The following TRIM55 variants were observed in gnomAD, a reference collection of about 807,000 sequenced individuals.
The protein encoded by TRIM55 is tripartite motif containing 55.
In TRIM55, 50 loss-of-function variants were observed where a neutral mutation model predicts 60.9. That is an observed-to-expected ratio of 0.82 (90% CI 0.65 to 1.04). The LOEUF (loss-of-function observed/expected upper bound fraction) is 1.04. Ranked by LOEUF, TRIM55 falls within the 50% of genes least tolerant of loss-of-function variation. The probability of loss-of-function intolerance (pLI) is 0.00; values close to 1 mark genes in which losing one functional copy is unlikely to be tolerated. For synonymous variants in TRIM55, 237 were observed against 238.1 expected (o/e 1.00, Z 0.04); for missense variants, 681 against 666.9 (o/e 1.02, Z -0.23).
At chr8:66,170,873 A>G (rs1405052552) in intron 9 of TRIM55, among the ~76,000 whole-genome samples, 2 of 152,250 alleles carry the variant, frequency 1.3e-5, no homozygotes, top group Non-Finnish European at 2.9e-5. Flanking sequence ...ATTATTCACA[A>G]TAGCCAAGAG....
intron 9 of TRIM55, among the ~76,000 whole-genome samples, chr8:66,171,189 G>GT (rs1196991552): frequency 6.6e-6 from 1 of 152,160 alleles, no homozygotes; most frequent in Non-Finnish European, 1.5e-5. Flanking sequence ...CACCCAGGTA[G>GT]TAAGCCTAGC....
intron 3 of TRIM55, 152 bp downstream of exon 3, chr8:66,135,307 G>T: frequency 1.3e-6 from 1 of 777,458 alleles, no homozygotes. Context: ...AGGTCTGCAG[G>T]AAGACATGTG....
rs1366612538 is a variant in TRIM55 at position 66,155,629 on chromosome 8, G to A, written c.1524+1295G>A. On this transcript the variant is annotated intron_variant, in intron 9 of 9. Transcript: ENST00000315962. The stretch of plus-strand genomic sequence containing the variant: ...TCTTCTTGTTTTCTCACAGGAGTTA[G>A]TAATCTGCCTAGCGCTTTTGGCTTT... The A allele has an allele frequency of 6.2e-6, 10 of 1,604,294 alleles. No individual in the cohort carries two copies. The South Asian group carries it at 1.0e-4, about 16-fold the overall frequency.
intron 9 of TRIM55, among the ~76,000 whole-genome samples, chr8:66,154,754 C>A (rs1465204674): frequency 2.0e-5 from 3 of 152,210 alleles, no homozygotes; most frequent in African/African-American, 7.2e-5. Context: ...TCATTCCCAG[C>A]AACCCCCAAG....
At chr8:66,138,766 G>T (rs1044986877) in intron 4 of TRIM55, among the ~76,000 whole-genome samples, 1 of 152,180 alleles carries the variant, frequency 6.6e-6, no homozygotes, top group Admixed American at 6.5e-5. Context: ...TAAAAATGGG[G>T]CAATCATGGT....
chr8:66,118,913 G>A, the TRIM55 span, among the ~76,000 whole-genome samples: 2 of 152,168 alleles, frequency 1.3e-5, no homozygotes, highest in Non-Finnish European at 2.9e-5. Flanking sequence ...ATGGACAGGT[G>A]GATGCATGCA....
rs369772129 is a variant in TRIM55, at chr8:66,127,226, C to G, written c.-43C>G. 5.7e-6 allele frequency: 9 copies of G among 1,586,968 alleles called. No homozygotes were observed. Among genetic ancestry groups the G allele is most frequent in the African/African-American group, 5.4e-5 (4 of 74,288 alleles). Reference sequence around the variant, plus strand: ...CCAGGAAACACTTGCTGGAGCCACTCGCAGCACCCTTCCCTGGCAGCACAC... The same window carrying G: ...CCAGGAAACACTTGCTGGAGCCACTGGCAGCACCCTTCCCTGGCAGCACAC... On this transcript the variant is annotated 5_prime_UTR_variant, in exon 1 of 10. Coordinates refer to ENST00000315962, the MANE Select transcript of TRIM55 (RefSeq NM_184085.2).
At chr8:66,140,505 G>T (rs1809745012) in intron 4 of TRIM55, among the ~76,000 whole-genome samples, 1 of 152,256 alleles carries the variant, frequency 6.6e-6, no homozygotes, top group South Asian at 2.1e-4. Flanking sequence ...CCGACTTTAT[G>T]AATCCCTCTT....
chr8:66,133,902 T>TAC (rs1563365634), intron 2 of TRIM55, among the ~76,000 whole-genome samples: 1 of 152,092 alleles, frequency 6.6e-6, no homozygotes, highest in African/African-American at 2.4e-5. Flanking sequence ...CGGATATATA[T>TAC]ACACACACAT....
At chr8:66,170,810 A>C (rs539890582) in intron 9 of TRIM55, among the ~76,000 whole-genome samples, 1 of 152,362 alleles carries the variant, frequency 6.6e-6, no homozygotes, top group African/African-American at 2.4e-5. Flanking sequence ...TATACTCAAA[A>C]GAATTGAAAG....
chr8:66,121,483 G>A, the TRIM55 span, among the ~76,000 whole-genome samples: 4 of 152,194 alleles, frequency 2.6e-5, no homozygotes, highest in Non-Finnish European at 5.9e-5. Flanking sequence ...TTGACCTAAA[G>A]CTACCTTCAT....
At chr8:66,139,203 G>C (rs980849351) in intron 4 of TRIM55, among the ~76,000 whole-genome samples, 1 of 152,204 alleles carries the variant, frequency 6.6e-6, no homozygotes, top group African/African-American at 2.4e-5. Context: ...GTACCAAGCT[G>C]AGTCTTGAGT....
chr8:66,141,924 G>A (rs11986216), intron 4 of TRIM55, among the ~76,000 whole-genome samples: 34,812 of 152,150 alleles, frequency 0.23, 7,953 homozygotes, highest in African/African-American at 0.59. Flanking sequence ...TATAATTAGA[G>A]TTGTTTAAAT....
rs1353532011 is a variant in TRIM55, at chr8:66,135,024, G to C, written c.376G>C (p.Glu126Gln). 6.2e-7 allele frequency: 1 copy of C among 1,614,076 alleles called. No homozygotes were observed. The highest frequency in any genetic ancestry group is 8.5e-7 in the Non-Finnish European group (1 of 1,180,042). ...EKKSDQPMCE[E>Q]HEEERINIYC... is the part of the protein sequence containing the mutation. ...GAAATCCGACCAGCCCATGTGCGAG[G>C]AACATGAAGAGGAGCGCATCAACAT... is the stretch of plus-strand genomic sequence containing the variant. Residue 126 changes from glutamate (E) to glutamine (Q), a missense_variant, in exon 3 of 10, where the codon GAA becomes CAA. Coordinates refer to ENST00000315962, the MANE Select transcript of TRIM55 (RefSeq NM_184085.2).
At chr8:66,167,166 C>T (rs1030564595) in intron 9 of TRIM55, among the ~76,000 whole-genome samples, 10 of 152,196 alleles carry the variant, frequency 6.6e-5, no homozygotes, top group Non-Finnish European at 7.3e-5. Context: ...CTATGAACAA[C>T]TCTTGGCACT....
intron 4 of TRIM55, among the ~76,000 whole-genome samples, chr8:66,141,557 T>C (rs1250583749): frequency 6.6e-6 from 1 of 152,240 alleles, no homozygotes; most frequent in East Asian, 1.9e-4. Context: ...TGACTTTCAC[T>C]TCTCATCCCT....
intron 9 of TRIM55, among the ~76,000 whole-genome samples, chr8:66,173,043 AG>A (rs1811733255): frequency 6.6e-6 from 1 of 152,146 alleles, no homozygotes; most frequent in Non-Finnish European, 1.5e-5. Flanking sequence ...GTGTAAAAAT[AG>A]GTGCAGGATT....
In TRIM55 at chr8:66,150,342, A is replaced by G; in HGVS notation, c.861A>G (p.Lys287=). The part of the protein sequence containing the change: ...FLQNAKTLLK[K]ISEASKAFQM... ...AAGTGGCAACTTGTCTTTGTTGCAG[A>G]ATCTCGGAAGCATCAAAGGCATTTC... The change falls in exon 7 of 10, where the codon AAA becomes AAG. Residue 287 remains lysine, a splice_region_variant and synonymous_variant. Transcript: ENST00000315962. The G allele has an allele frequency of 1.2e-6, 2 of 1,614,236 alleles. No homozygotes were observed. Among genetic ancestry groups the G allele is most frequent in the Non-Finnish European group, 1.7e-6 (2 of 1,180,032 alleles).
At position 66,154,183 on chromosome 8, in the gene TRIM55, C is replaced by A; in HGVS notation, c.1373C>A (p.Pro458His). 2.5e-6 allele frequency: 4 copies of A among 1,614,116 alleles called. No individual in the cohort carries two copies. Among genetic ancestry groups the A allele is most frequent in the Non-Finnish European group, 3.4e-6 (4 of 1,180,020 alleles). ...ACCCGGAAAGCCACCACCAACCCAC[C>A]TTGCACCCCAGGGAGCGAAGGTCTG... ...GQTRKATTNP[P>H]CTPGSEGLGQ... Residue 458 changes from proline to histidine, a missense_variant, in exon 9 of 10, where the codon CCT (proline) becomes CAT (histidine). Pro to His is a moderately conservative substitution (Grantham distance 77). Transcript: ENST00000315962.
Sources: allele counts gnomAD v4.1 joint callset (sites outside exome capture counted in the v4.1 genomes callset), GRCh38; gene constraint gnomAD v4.1.1; transcripts MANE v1.5; gene names NCBI Gene and HGNC (gene_info 2026-07-23, HGNC 2026-07-21).